PAFAH2: variants seen among roughly 807,000 people sequenced by gnomAD.
The protein encoded by PAFAH2 is platelet activating factor acetylhydrolase 2, also known as platelet-activating factor acetylhydrolase 2, cytoplasmic.
PAFAH2 carries 42 observed loss-of-function variants against 49.0 expected under a neutral mutation model. The ratio of observed to expected loss-of-function variants is 0.86; its 90% CI spans 0.67 to 1.11. The LOEUF (loss-of-function observed/expected upper bound fraction) is 1.11. Ranked by LOEUF, PAFAH2 falls within the 50% of genes least tolerant of loss-of-function variation. PAFAH2 has a pLI of 0.00. For synonymous variants in PAFAH2, 184 were observed against 181.3 expected, an observed-to-expected ratio of 1.01 and a Z score of -0.12; for missense variants, 503 against 501.8, an observed-to-expected ratio of 1.00 and a Z score of -0.02.
intron 7 of PAFAH2, among the ~76,000 whole-genome samples, chr1:25,981,040 T>C (rs889517169): frequency 6.6e-6 from 1 of 152,020 alleles, no homozygotes; most frequent in Non-Finnish European, 1.5e-5. Flanking sequence ...TACAGGAGGA[T>C]TGCTTGAGCC....
chr1:25,960,595 T>C lies in PAFAH2; in HGVS notation c.*1394A>G, dbSNP rs2049324907. 2 of 152,560 alleles carry C rather than the reference T, an allele frequency of 1.3e-5. No homozygotes were observed. Among genetic ancestry groups the C allele is most frequent in the Admixed American group, 1.3e-4 (2 of 15,278 alleles). The allele number at this position is 152,560 out of a possible 1,614,324, so 9.5% of individuals were successfully genotyped here. ...AAGAGTATTAATATCATTCATATTATAAACAGAACAGAATGGAAATTCAGT... is the reference window on the plus strand; with the variant it reads ...AAGAGTATTAATATCATTCATATTACAAACAGAACAGAATGGAAATTCAGT... On this transcript the variant is annotated 3_prime_UTR_variant, in exon 11 of 11. Coordinates refer to ENST00000374282, the MANE Select transcript of PAFAH2 (RefSeq NM_000437.4).
intron 1 of PAFAH2, among the ~76,000 whole-genome samples, chr1:25,992,997 CTT>C (rs1557532910): frequency 6.6e-6 from 1 of 152,154 alleles, no homozygotes; most frequent in African/African-American, 2.4e-5. Flanking sequence ...ACAGCAGCCA[CTT>C]TTGCCACCTT....
intron 4 of PAFAH2, among the ~76,000 whole-genome samples, chr1:25,987,973 T>C (rs567250367): frequency 2.0e-5 from 3 of 152,332 alleles, no homozygotes; most frequent in African/African-American, 7.2e-5. Flanking sequence ...GGAGGAAAGC[T>C]AAAAGTGTTT....
chr1:25,970,706 C>A (rs1395698469), intron 10 of PAFAH2, among the ~76,000 whole-genome samples: 1 of 152,032 alleles, frequency 6.6e-6, no homozygotes, highest in Non-Finnish European at 1.5e-5. Context: ...CCACCCCAGC[C>A]TCCCGAGTAG....
At chr1:25,978,588 C>A (rs1275426315) in intron 7 of PAFAH2, among the ~76,000 whole-genome samples, 1 of 152,166 alleles carries the variant, frequency 6.6e-6, no homozygotes, top group Non-Finnish European at 1.5e-5. Flanking sequence ...TTCTAGCCAA[C>A]AGAATGTGAG....
Position 25,989,455 on chromosome 1 carries a change from C to G in PAFAH2, c.237G>C (p.Leu79=). The G allele has an allele frequency of 1.3e-6, 2 of 1,597,154 alleles. No homozygotes were observed. The highest frequency in any genetic ancestry group is 2.3e-5 in the South Asian group (2 of 88,598). The change falls in exon 3 of 11, where the codon CTG becomes CTC. Residue 79 remains leucine (L), a synonymous_variant. Transcript: ENST00000374282. The part of the protein sequence containing the change: ...NKRCGGLLFN[L]AVGSCRLPVS... ...GGTCAGGCCAGCCCTTACCCACCGC[C>G]AGGTTGAACAGCAAGCCCCCGCAGC...
In PAFAH2 at chr1:25,983,950, G is replaced by A. The variant is rs201195566; in HGVS notation, c.548C>T (p.Pro183Leu). Reference sequence around the variant, plus strand: ...CCCCAACTGGCACAAACTTACCTGGGGATTCCGAACATGAAATTCCTTCTC... The same window carrying A: ...CCCCAACTGGCACAAACTTACCTGGAGATTCCGAACATGAAATTCCTTCTC... ...EGEKEFHVRN[P>L]QVHQRVSECL... is the part of the protein sequence containing the mutation. The change falls in exon 6 of 11, where the codon CCC becomes CTC. Residue 183 changes from proline (P) to leucine (L), a missense_variant. By Grantham distance (98) the Pro-to-Leu change is moderately conservative (BLOSUM62 -3). Coordinates refer to ENST00000374282, the MANE Select transcript of PAFAH2 (RefSeq NM_000437.4). 1 of 1,614,082 alleles carries A rather than the reference G, an allele frequency of 6.2e-7. No individual in the cohort carries two copies. The highest frequency in any genetic ancestry group is 8.5e-7 in the Non-Finnish European group (1 of 1,179,996).
At chr1:25,964,336 G>A (rs968512994) in intron 10 of PAFAH2, 1 of 152,148 alleles carries the variant, frequency 6.6e-6, no homozygotes, top group Admixed American at 6.6e-5. Flanking sequence ...GATTGAGGAA[G>A]CCAAAATAAT....
chr1:25,989,555 G>GTC lies in PAFAH2; in HGVS notation c.135_136dup (p.Thr46ArgfsTer59). On this transcript the variant is annotated frameshift_variant, in exon 3 of 11. Transcript: ENST00000374282. LOFTEE classifies it high-confidence loss of function. ...GGGAATCCACAGGGGCTGCTCCATG[G>GTC]TCTCCTCTGCCTTTTGGCAGGGGTA... The GTC allele has an allele frequency of 6.2e-7, 1 of 1,611,842 alleles. No homozygotes were observed. Among genetic ancestry groups the GTC allele is most frequent in the Non-Finnish European group, 8.5e-7 (1 of 1,178,932 alleles).
intron 9 of PAFAH2, among the ~76,000 whole-genome samples, chr1:25,973,980 T>C (rs796649815): frequency 2.0e-5 from 3 of 152,320 alleles, no homozygotes; most frequent in African/African-American, 7.2e-5. Flanking sequence ...ATAGTGCTGA[T>C]GATGGAAGTG....
At chr1:25,986,848 A>G (rs1325078250) in intron 4 of PAFAH2, among the ~76,000 whole-genome samples, 2 of 152,034 alleles carry the variant, frequency 1.3e-5, no homozygotes, top group African/African-American at 4.8e-5. Context: ...TTTAAGTGGG[A>G]AAAAACATTC....
intron 8 of PAFAH2, 120 bp from the exon 9 acceptor site, chr1:25,974,770 G>C (rs957802785): frequency 1.6e-5 from 13 of 813,050 alleles, no homozygotes; most frequent in Non-Finnish European, 2.5e-5. Context: ...AAGCCAGGAG[G>C]GGGGTACCAG....
chr1:25,997,617 C>A (rs933078), intron 1 of PAFAH2: 80,682 of 152,122 alleles, frequency 0.53, 25,191 homozygotes, highest in East Asian at 0.7. Context: ...GGAATGGGGA[C>A]CCTTCTTCCA....
At chr1:25,967,996 T>C (rs2049452214) in intron 10 of PAFAH2, among the ~76,000 whole-genome samples, 2 of 151,966 alleles carry the variant, frequency 1.3e-5, no homozygotes, top group African/African-American at 2.4e-5. Flanking sequence ...CAAAACTCCA[T>C]CTCTACTAAA....
intron 3 of PAFAH2, 97 bp downstream of exon 3, chr1:25,989,351 G>A: frequency 1.7e-6 from 2 of 1,166,860 alleles, no homozygotes; most frequent in East Asian, 2.7e-5. Flanking sequence ...CAAAAGCCTG[G>A]ACACTGCAGG....
intron 1 of PAFAH2, chr1:25,997,392 C>G (rs912704945): frequency 6.6e-6 from 1 of 152,196 alleles, no homozygotes; most frequent in Non-Finnish European, 1.5e-5. Flanking sequence ...GAAGGTCTTA[C>G]AGTTTACAAG....
chr1:25,988,418 T>G, intron 3 of PAFAH2, 91 bp from the exon 4 acceptor site: 1 of 890,244 alleles, frequency 1.1e-6, no homozygotes, highest in Non-Finnish European at 1.8e-6. Flanking sequence ...GGGACATGTG[T>G]TTCTCCCCTC....
intron 4 of PAFAH2, among the ~76,000 whole-genome samples, chr1:25,987,353 T>C (rs1251379989): frequency 6.6e-6 from 1 of 152,164 alleles, no homozygotes; most frequent in African/African-American, 2.4e-5. Context: ...CAAAAACAGA[T>C]GCCTTTGAGA....
At chr1:25,980,861 C>T (rs2049676885) in intron 7 of PAFAH2, among the ~76,000 whole-genome samples, 1 of 151,514 alleles carries the variant, frequency 6.6e-6, no homozygotes, top group Non-Finnish European at 1.5e-5. Context: ...CTACAAAATA[C>T]AAAAAATTAG....
Sources: allele counts gnomAD v4.1 joint callset (sites outside exome capture counted in the v4.1 genomes callset), GRCh38; gene constraint gnomAD v4.1.1; transcripts MANE v1.5; gene names NCBI Gene and HGNC (gene_info 2026-07-23, HGNC 2026-07-21).